Variants in UBE2E2 observed in about 807,000 individuals in gnomAD.
UBE2E2 encodes ubiquitin-conjugating enzyme E2 E2.
A neutral mutation model predicts 24.7 loss-of-function variants in UBE2E2; 6 were observed. That is an observed-to-expected ratio of 0.24 (90% CI 0.13 to 0.48). The LOEUF is 0.48. Among genes scored for constraint, UBE2E2 ranks in the 20% least tolerant of loss-of-function variants. The pLI, the probability that UBE2E2 is intolerant of heterozygous loss-of-function variation, is 0.99. For missense variants in UBE2E2, 169 were observed against 245.0 expected (o/e 0.69, Z 2.07); for synonymous variants, 104 against 83.6 (o/e 1.24, Z -1.33).
At chr3:23,418,949 A>C (rs1360229592) in intron 3 of UBE2E2, among the ~76,000 whole-genome samples, 1 of 138,762 alleles carries the variant, frequency 7.2e-6, no homozygotes, top group African/African-American at 2.8e-5. Context: ...TTCTTTCACA[A>C]ATGTTACTTT....
At chr3:23,378,039 A>G (rs1475808989) in intron 3 of UBE2E2, among the ~76,000 whole-genome samples, 3 of 152,100 alleles carry the variant, frequency 2.0e-5, no homozygotes, top group Non-Finnish European at 4.4e-5. Flanking sequence ...TATTCCTTCC[A>G]TAATATTTTC....
In UBE2E2 at chr3:23,318,722, C is replaced by T. The variant is rs144876465; in HGVS notation, c.227+101410C>T. On this transcript the variant is annotated intron_variant, in intron 3 of 5. Transcript: ENST00000396703. ...CACGAGAACAGTATGGGGGAAACTG[C>T]CCCCATGATTCAATTACCTCCCACC... 6.6e-4 allele frequency among the ~76,000 whole-genome samples: 100 copies of T among 152,224 alleles called. 5 individuals are homozygous for T. The East Asian group carries it at 0.016, about 24-fold the overall frequency.
intron 3 of UBE2E2, among the ~76,000 whole-genome samples, chr3:23,488,144 T>A (rs956947336): frequency 2.0e-5 from 3 of 152,154 alleles, no homozygotes; most frequent in Admixed American, 6.5e-5. Flanking sequence ...TGTAGATATT[T>A]AACCTACCTT....
At chr3:23,241,246 A>T (rs993687013) in intron 3 of UBE2E2, among the ~76,000 whole-genome samples, 10 of 151,774 alleles carry the variant, frequency 6.6e-5, no homozygotes, top group Non-Finnish European at 1.2e-4. Context: ...ATCACTTCCC[A>T]CTTTCTCCAT....
chr3:23,314,136 T>C (rs1007923279), intron 3 of UBE2E2, among the ~76,000 whole-genome samples: 1 of 152,148 alleles, frequency 6.6e-6, no homozygotes, highest in African/African-American at 2.4e-5. Flanking sequence ...GTTACTCTTT[T>C]TGTTGTTGTT....
At chr3:23,481,611 TTGTG>T (rs1438251415) in intron 3 of UBE2E2, among the ~76,000 whole-genome samples, 1 of 152,234 alleles carries the variant, frequency 6.6e-6, no homozygotes, top group East Asian at 1.9e-4. Flanking sequence ...ATTCCTCTGT[TTGTG>T]TCTTACAGCA....
intron 3 of UBE2E2, among the ~76,000 whole-genome samples, chr3:23,394,797 G>A (rs2125364537): frequency 6.6e-6 from 1 of 152,306 alleles, no homozygotes; most frequent in South Asian, 2.1e-4. Flanking sequence ...AGGTAGAACA[G>A]CACTCAGAAG....
intron 5 of UBE2E2, among the ~76,000 whole-genome samples, chr3:23,537,562 A>T (rs1252682678): frequency 6.6e-6 from 1 of 152,184 alleles, no homozygotes; most frequent in African/African-American, 2.4e-5. Context: ...TCTCAAATGG[A>T]CTGAGCAAAA....
chr3:23,506,783 G>A (rs1345188684), intron 4 of UBE2E2, among the ~76,000 whole-genome samples: 2 of 152,064 alleles, frequency 1.3e-5, no homozygotes, highest in Non-Finnish European at 2.9e-5. Flanking sequence ...ACAGGCATTT[G>A]CCACCATGCC....
chr3:23,231,119 A>ATAC, intron 3 of UBE2E2, among the ~76,000 whole-genome samples: 1 of 152,324 alleles, frequency 6.6e-6, no homozygotes, highest in East Asian at 1.9e-4. Context: ...TGATGGTAGT[A>ATAC]CTAGAATTAT....
chr3:23,370,191 T>C (rs1261716030), intron 3 of UBE2E2, among the ~76,000 whole-genome samples: 4 of 152,202 alleles, frequency 2.6e-5, no homozygotes, highest in African/African-American at 9.6e-5. Context: ...TAATCCTGTC[T>C]ACATTCTTTG....
In UBE2E2 at chr3:23,524,865, GAC is replaced by G. The variant is rs59806964; in HGVS notation, c.361-7662_361-7661del. ...AGATACAGATACACACAGACACACAGACACACACACACACACACACACACACA... is the reference window on the plus strand; with the variant it reads ...AGATACAGATACACACAGACACACAGACACACACACACACACACACACACA... On this transcript the variant is annotated intron_variant, in intron 4 of 5. Transcript: ENST00000396703. Among the ~76,000 whole-genome samples, 1,345 of 147,284 alleles carry G rather than the reference GAC, an allele frequency of 9.1e-3. 14 individuals are homozygous for G. Among genetic ancestry groups the G allele is most frequent in the Non-Finnish European group, 7.8e-3 (514 of 66,278 alleles).
intron 4 of UBE2E2, among the ~76,000 whole-genome samples, chr3:23,514,763 G>A (rs1215293560): frequency 6.6e-6 from 1 of 151,742 alleles, no homozygotes; most frequent in Non-Finnish European, 1.5e-5. Flanking sequence ...CAAATAGAGG[G>A]GTTTCATTCA....
intron 3 of UBE2E2, among the ~76,000 whole-genome samples, chr3:23,239,415 C>T (rs778931318): frequency 6.6e-6 from 1 of 152,134 alleles, no homozygotes; most frequent in Non-Finnish European, 1.5e-5. Flanking sequence ...AGGAACCCCA[C>T]ATCCATTAGC....
At chr3:23,532,509 A>G (rs759917595) in intron 4 of UBE2E2, 45 bp from the exon 5 acceptor site, 11 of 1,469,008 alleles carry the variant, frequency 7.5e-6, no homozygotes, top group Non-Finnish European at 1.0e-5. Flanking sequence ...GATACTGTTA[A>G]TAAACACTTT....
intron 3 of UBE2E2, among the ~76,000 whole-genome samples, chr3:23,460,763 G>C (rs1698791359): frequency 6.6e-6 from 1 of 152,176 alleles, no homozygotes; most frequent in African/African-American, 2.4e-5. Flanking sequence ...ATTGAAAGTG[G>C]TGAAGGACAT....
At chr3:23,432,972 A>G (rs1311166175) in intron 3 of UBE2E2, among the ~76,000 whole-genome samples, 1 of 151,990 alleles carries the variant, frequency 6.6e-6, no homozygotes, top group Non-Finnish European at 1.5e-5. Flanking sequence ...ACTTGAATAT[A>G]TTAAACACTA....
chr3:23,487,142 G>A (rs991195549), intron 3 of UBE2E2, among the ~76,000 whole-genome samples: 2 of 152,244 alleles, frequency 1.3e-5, no homozygotes, highest in African/African-American at 4.8e-5. Context: ...GTGGGGGCAG[G>A]GGGCTGGCAT....
chr3:23,221,423 A>G (rs969989929), intron 3 of UBE2E2, among the ~76,000 whole-genome samples: 7 of 152,140 alleles, frequency 4.6e-5, no homozygotes, highest in African/African-American at 1.4e-4. Context: ...AAAATAATCC[A>G]TGCCTTTTAG....
Sources: gnomAD v4.1 joint callset for allele counts (sites outside exome capture counted in the v4.1 genomes callset) on GRCh38, gnomAD v4.1.1 for gene constraint, MANE v1.5 for transcripts, NCBI Gene and HGNC (gene_info 2026-07-23, HGNC 2026-07-21) for gene names.